HEATR4: variants seen among roughly 807,000 people sequenced by gnomAD.
The protein encoded by HEATR4 is HEAT repeat containing 4.
Under a neutral mutation model 108.8 loss-of-function variants are expected in HEATR4, and 95 were observed. That is an observed-to-expected ratio of 0.87 (90% confidence interval 0.74 to 1.04). The LOEUF is 1.04. Among genes scored for constraint, HEATR4 ranks in the 50% least tolerant of loss-of-function variants. HEATR4 has a pLI of 0.00. For synonymous variants in HEATR4, 443 were observed against 459.4 expected, an observed-to-expected ratio of 0.96 and a Z score of 0.46; for missense variants, 1,152 against 1,253.8, an observed-to-expected ratio of 0.92 and a Z score of 1.23.
At chr14:73,567,698 C>T in the HEATR4 span, 1 of 152,040 alleles carries the variant, frequency 6.6e-6, no homozygotes, top group East Asian at 1.9e-4. Context: ...ACTGCTCCTT[C>T]TTTGGGTCCA....
intron 10 of HEATR4, among the ~76,000 whole-genome samples, chr14:73,505,401 T>C (rs1349355686): frequency 6.8e-6 from 1 of 147,870 alleles, no homozygotes; most frequent in African/African-American, 2.6e-5. Context: ...TTGTTTTTTT[T>C]TGTTTTGTTT....
rs1158433175 is a variant in HEATR4, at chr14:73,509,671, T to C, written c.1559-198A>G. ...AAGGTGTTAAAGCTCACCTGTGTGCTGGTATGCCAATTCCCAATCCTTTAT... is the reference window on the plus strand; with the variant it reads ...AAGGTGTTAAAGCTCACCTGTGTGCCGGTATGCCAATTCCCAATCCTTTAT... On this transcript the variant is annotated intron_variant, in intron 7 of 17. Transcript: ENST00000553558. 2.0e-5 allele frequency among the ~76,000 whole-genome samples: 3 copies of C among 151,338 alleles called. No homozygotes were observed. In the East Asian group the frequency reaches 5.8e-4, roughly 29 times the overall value.
At chr14:73,572,962 A>T in the HEATR4 span, among the ~76,000 whole-genome samples, 1 of 151,592 alleles carries the variant, frequency 6.6e-6, no homozygotes, top group East Asian at 1.9e-4. Context: ...ATTACTATTT[A>T]ATTTTGTGTG....
chr14:73,491,258 G>C (rs775015711), intron 17 of HEATR4: 5 of 1,578,508 alleles, frequency 3.2e-6, no homozygotes, highest in Non-Finnish European at 4.3e-6. Flanking sequence ...CGCGCTACCC[G>C]GTGGGGCGGC....
the HEATR4 span, among the ~76,000 whole-genome samples, chr14:73,576,842 T>C: frequency 7.9e-6 from 1 of 126,800 alleles, no homozygotes; most frequent in Non-Finnish European, 1.8e-5. Flanking sequence ...TATCACTTGA[T>C]ATAAATAGTT....
chr14:73,481,516 A>G (rs1885255379), intron 17 of HEATR4, among the ~76,000 whole-genome samples: 2 of 152,008 alleles, frequency 1.3e-5, no homozygotes, highest in African/African-American at 4.8e-5. Flanking sequence ...TTCCAATTAT[A>G]TGACATTGTG....
rs191682128 is a variant in HEATR4, at chr14:73,544,163, G to A, written c.-151-13919C>T. ...CAAAAAATTAGCCGGGCGTGGTGGC[G>A]CATGCCTGTAGTCCCAGCTACTCAG... On this transcript the variant is annotated intron_variant, in intron 1 of 17. Transcript: ENST00000553558. Among the ~76,000 whole-genome samples, 155 of 114,556 alleles carry A rather than the reference G, an allele frequency of 1.4e-3. 51 individuals are homozygous for A. The highest frequency in any genetic ancestry group is 3.6e-3 in the Admixed American group (36 of 10,038). The allele number at this position is 114,556 out of a possible 152,430, so 75.2% of individuals were successfully genotyped here.
intron 3 of HEATR4, 128 bp from the exon 4 acceptor site, chr14:73,521,167 C>T: frequency 1.3e-6 from 1 of 784,948 alleles, no homozygotes; most frequent in Non-Finnish European, 2.1e-6. Flanking sequence ...CATTGCAGAA[C>T]ACCAATGTTT....
the HEATR4 span, among the ~76,000 whole-genome samples, chr14:73,590,675 C>T: frequency 6.6e-6 from 1 of 152,110 alleles, no homozygotes; most frequent in Non-Finnish European, 1.5e-5. Flanking sequence ...AGCTGCTGCC[C>T]CAGGTGCTAA....
At chr14:73,532,704 T>C (rs150451180) in intron 1 of HEATR4, among the ~76,000 whole-genome samples, 1,486 of 115,224 alleles carry the variant, frequency 0.013, 416 homozygotes, top group South Asian at 0.019. Flanking sequence ...CTCATAATCC[T>C]AGCACTTTGG....
intron 8 of HEATR4, 47 bp from the exon 9 acceptor site, chr14:73,508,341 C>T (rs1886984073): frequency 6.3e-7 from 1 of 1,584,402 alleles, no homozygotes; most frequent in East Asian, 2.2e-5. Context: ...ATGTGTTTTC[C>T]CCCTAGAGAA....
At chr14:73,578,704 A>G in the HEATR4 span, among the ~76,000 whole-genome samples, 2 of 152,010 alleles carry the variant, frequency 1.3e-5, no homozygotes, top group South Asian at 2.1e-4. Flanking sequence ...CTGTAATCCC[A>G]GCACTTTGGG....
the HEATR4 span, among the ~76,000 whole-genome samples, chr14:73,586,841 T>G: frequency 6.6e-6 from 1 of 152,080 alleles, no homozygotes; most frequent in Non-Finnish European, 1.5e-5. Flanking sequence ...CCTCCCTGAG[T>G]AGCTGAGACT....
chr14:73,514,144 G>C lies in HEATR4; in HGVS notation c.1301C>G (p.Pro434Arg), dbSNP rs761686181. Residue 434 changes from proline (P) to arginine (R), a missense_variant, in exon 6 of 18, where the codon CCT (proline) becomes CGT (arginine). Pro to Arg is a moderately radical substitution (Grantham distance 103, BLOSUM62 -2). Transcript: ENST00000553558. ...CTTCTTCAATCTCCTGGTCTTAATA[G>C]GCACATCCTTCTCACCCACCTGCAG... ...MLLQVGEKDVPIKTRRLKKQA... is the reference protein window; with the variant it reads ...MLLQVGEKDVRIKTRRLKKQA... 4 of 1,614,176 alleles carry C rather than the reference G, an allele frequency of 2.5e-6. No homozygotes were observed. The East Asian group carries it at 8.9e-5, about 36-fold the overall frequency.
the HEATR4 span, among the ~76,000 whole-genome samples, chr14:73,630,616 C>T: frequency 4.6e-5 from 7 of 152,136 alleles, no homozygotes; most frequent in Admixed American, 2.0e-4. Context: ...TGGGGCATGC[C>T]GGTCCCTCTT....
the HEATR4 span, among the ~76,000 whole-genome samples, chr14:73,566,241 C>G: frequency 1.3e-5 from 2 of 152,096 alleles, no homozygotes; most frequent in Admixed American, 1.3e-4. Context: ...CTCCAAGTTC[C>G]CACTAGACTC....
intron 1 of HEATR4, among the ~76,000 whole-genome samples, chr14:73,548,185 G>T (rs1329898912): frequency 8.6e-6 from 1 of 116,002 alleles, no homozygotes; most frequent in Admixed American, 9.8e-5. Context: ...GTAATCAGTA[G>T]AAGGGTCCAG....
chr14:73,615,877 G>A, the HEATR4 span, among the ~76,000 whole-genome samples: 2 of 152,186 alleles, frequency 1.3e-5, no homozygotes, highest in Non-Finnish European at 1.5e-5. Context: ...ACTAGCCCAG[G>A]CAGCATAGTG....
upstream of HEATR4, among the ~76,000 whole-genome samples, chr14:73,562,832 T>C (rs1254324420): frequency 6.6e-6 from 1 of 151,936 alleles, no homozygotes; most frequent in African/African-American, 2.4e-5. Flanking sequence ...CCGTTTTCTG[T>C]TGTTTAAGAT....
Sources: gnomAD v4.1 joint callset for allele counts (sites outside exome capture counted in the v4.1 genomes callset) on GRCh38, gnomAD v4.1.1 for gene constraint, MANE v1.5 for transcripts, NCBI Gene and HGNC (gene_info 2026-07-23, HGNC 2026-07-21) for gene names.